TACC2: variants seen among roughly 807,000 people sequenced by gnomAD.
The protein encoded by TACC2 is transforming acidic coiled-coil containing protein 2.
In TACC2, 137 loss-of-function variants were observed where a neutral mutation model predicts 227.3. The observed-to-expected ratio is 0.60, with a 90% CI of 0.52 to 0.69. The LOEUF (loss-of-function observed/expected upper bound fraction) is 0.69, where lower values mean the gene tolerates loss of function less well. Among genes scored for constraint, TACC2 ranks in the 30% least tolerant of loss-of-function variants. The pLI is 0.00. For missense variants in TACC2, 3,470 were observed against 3,694.4 expected, an observed-to-expected ratio of 0.94 and a Z score of 1.57; for synonymous variants, 1,523 against 1,487.5, an observed-to-expected ratio of 1.02 and a Z score of -0.55.
intron 5 of TACC2, among the ~76,000 whole-genome samples, chr10:122,111,940 G>A (rs918992836): frequency 7.2e-5 from 11 of 152,166 alleles, no homozygotes; most frequent in African/African-American, 1.9e-4. Flanking sequence ...ATCTATTTAA[G>A]TTTCCATAAA....
chr10:122,232,983 T>C (rs550549346), intron 16 of TACC2, among the ~76,000 whole-genome samples: 33 of 152,300 alleles, frequency 2.2e-4, no homozygotes, highest in African/African-American at 7.0e-4. Flanking sequence ...AAAATCACCA[T>C]AAGCTAGAGT....
chr10:122,138,068 C>T (rs1186988069), intron 6 of TACC2, among the ~76,000 whole-genome samples: 2 of 152,150 alleles, frequency 1.3e-5, no homozygotes, highest in African/African-American at 4.8e-5. Flanking sequence ...TTTATTTCTT[C>T]TCTTGCTTCC....
chr10:122,172,282 C>T (rs984898443), intron 7 of TACC2, among the ~76,000 whole-genome samples: 7 of 152,186 alleles, frequency 4.6e-5, no homozygotes, highest in Non-Finnish European at 7.3e-5. Flanking sequence ...GGCTGCTTTC[C>T]GTCTACTGCT....
intron 5 of TACC2, among the ~76,000 whole-genome samples, chr10:122,112,632 G>T (rs2083813882): frequency 1.4e-4 from 2 of 14,732 alleles, no homozygotes; most frequent in African/African-American, 1.7e-4. Flanking sequence ...GAGGAAGCGC[G>T]GGCCGCCTGG....
chr10:122,097,174 G>T (rs1250216360), intron 5 of TACC2, among the ~76,000 whole-genome samples: 1 of 151,702 alleles, frequency 6.6e-6, no homozygotes, highest in Non-Finnish European at 1.5e-5. Flanking sequence ...AAAAGAAAAA[G>T]AAAAATTAGC....
chr10:122,039,486 G>A (rs1207760571), intron 2 of TACC2, among the ~76,000 whole-genome samples: 1 of 152,070 alleles, frequency 6.6e-6, no homozygotes. Flanking sequence ...GAAGGTGGGG[G>A]TGGAGACAAG....
Position 122,082,670 on chromosome 10 carries a change from G to C in TACC2, c.170G>C (p.Gly57Ala), listed in dbSNP as rs763550115. ...AGCATTGGCAGCGTTGGGCTTGGAGGCTTCTGCACCGCTTCTGAGAGTTCT... is the reference window on the plus strand; with the variant it reads ...AGCATTGGCAGCGTTGGGCTTGGAGCCTTCTGCACCGCTTCTGAGAGTTCT... Reference protein sequence around the residue: ...ASSIGSVGLGGFCTASESSAS... With the variant: ...ASSIGSVGLGAFCTASESSAS... Residue 57 changes from glycine to alanine, a missense_variant, in exon 4 of 23, where the codon GGC (glycine) becomes GCC (alanine). This residue lies in a region of TACC2 where 405 missense variants were observed against 389.6 expected (regional missense o/e 1.04). Coordinates refer to ENST00000369005, the MANE Select transcript of TACC2 (RefSeq NM_206862.4). 4.3e-6 allele frequency: 7 copies of C among 1,610,434 alleles called. No homozygotes were observed. In the Admixed American group the frequency reaches 1.2e-4, roughly 27 times the overall value.
intron 2 of TACC2, among the ~76,000 whole-genome samples, chr10:122,027,996 G>A (rs1958269377): frequency 2.0e-5 from 3 of 151,590 alleles, no homozygotes; most frequent in Admixed American, 6.6e-5. Flanking sequence ...GCCCTCCTCG[G>A]CCTCCCAAAG....
chr10:122,080,722 T>C (rs567528177), intron 3 of TACC2, among the ~76,000 whole-genome samples: 1 of 152,312 alleles, frequency 6.6e-6, no homozygotes. Flanking sequence ...AATTTAACAA[T>C]AATGCACTTC....
chr10:122,140,047 AGGGCTGTC>A (rs2090306345), intron 6 of TACC2, among the ~76,000 whole-genome samples: 1 of 152,330 alleles, frequency 6.6e-6, no homozygotes, highest in Non-Finnish European at 1.5e-5. Flanking sequence ...CCGGATCTGC[AGGGCTGTC>A]GGGCTGAATG....
At position 122,147,262 on chromosome 10, in the gene TACC2, A is replaced by T. The variant is rs2091487428; in HGVS notation, c.5834+3556A>T. Among the ~76,000 whole-genome samples, 3 of 152,152 alleles carry T rather than the reference A, an allele frequency of 2.0e-5. No homozygotes were observed. In the South Asian group the frequency reaches 6.3e-4, roughly 32 times the overall value. ...GAAGCTCAAGCGATTCTCCTGCCTC[A>T]ACCTCCTGAGTAGCTGGGATTACAG... is the stretch of plus-strand genomic sequence containing the variant. On this transcript the variant is annotated intron_variant, in intron 7 of 22. Coordinates refer to ENST00000369005, the MANE Select transcript of TACC2 (RefSeq NM_206862.4).
chr10:122,067,997 G>T (rs112062936), intron 3 of TACC2, among the ~76,000 whole-genome samples: 20 of 152,100 alleles, frequency 1.3e-4, no homozygotes, highest in African/African-American at 3.9e-4. Context: ...ATGCTTTTTT[G>T]TTGTTGTTGT....
intron 11 of TACC2, among the ~76,000 whole-genome samples, chr10:122,223,830 C>T (rs1379999546): frequency 6.6e-6 from 1 of 152,194 alleles, no homozygotes; most frequent in Non-Finnish European, 1.5e-5. Context: ...CTGAGCAGGT[C>T]ACTCTTCACC....
chr10:122,211,810 C>T, intron 9 of TACC2, 102 bp downstream of exon 9: 1 of 1,012,756 alleles, frequency 9.9e-7, no homozygotes. Flanking sequence ...CCTAACCTTG[C>T]CCCTGGGTGC....
intron 2 of TACC2, among the ~76,000 whole-genome samples, chr10:122,049,706 T>C (rs1260711560): frequency 6.6e-6 from 1 of 151,950 alleles, no homozygotes; most frequent in Non-Finnish European, 1.5e-5. Flanking sequence ...TATACTAAAA[T>C]AGCATCATTT....
intron 5 of TACC2, among the ~76,000 whole-genome samples, chr10:122,103,271 G>A (rs566989476): frequency 6.6e-6 from 1 of 152,294 alleles, no homozygotes; most frequent in East Asian, 1.9e-4. Context: ...AGACTGGTTA[G>A]GAGTTTGAGT....
intron 7 of TACC2, among the ~76,000 whole-genome samples, chr10:122,161,611 T>C (rs2092816218): frequency 6.6e-6 from 1 of 152,266 alleles, no homozygotes; most frequent in African/African-American, 2.4e-5. Flanking sequence ...AAACCCTATC[T>C]TGTTATCGCA....
intron 1 of TACC2, among the ~76,000 whole-genome samples, chr10:121,991,959 C>A (rs918903216): frequency 7.9e-5 from 12 of 152,136 alleles, no homozygotes; most frequent in Admixed American, 1.3e-4. Flanking sequence ...GGAAACTCCC[C>A]TTATAAAATC....
At chr10:122,051,068 CCTT>C (rs965017198) in intron 3 of TACC2, 6 of 153,896 alleles carry the variant, frequency 3.9e-5, no homozygotes, top group African/African-American at 9.7e-5. Flanking sequence ...TCAGTCACTT[CCTT>C]TTTTTTGAGA....
Sources: gnomAD v4.1 joint callset for allele counts (sites outside exome capture counted in the v4.1 genomes callset) on GRCh38, gnomAD v4.1.1 for gene constraint, gnomAD v4.1.1 regional missense constraint, MANE v1.5 for transcripts, NCBI Gene and HGNC (gene_info 2026-07-23, HGNC 2026-07-21) for gene names.